ST7L: variants seen among roughly 807,000 people sequenced by gnomAD.
ST7L encodes suppressor of tumorigenicity 7 protein-like.
A neutral mutation model predicts 72.5 loss-of-function variants in ST7L; 57 were observed. The observed-to-expected ratio is 0.79, with a 90% confidence interval of 0.64 to 0.98. The LOEUF (loss-of-function observed/expected upper bound fraction) is 0.98, where lower values mean the gene tolerates loss of function less well. ST7L is among the 50% of genes least tolerant of loss of function. The pLI, the probability that ST7L is intolerant of heterozygous loss-of-function variation, is 0.00. For missense variants in ST7L, 576 were observed against 672.2 expected, an observed-to-expected ratio of 0.86 and a Z score of 1.58; for synonymous variants, 221 against 240.9, an observed-to-expected ratio of 0.92 and a Z score of 0.77.
chr1:112,576,789 G>A (rs1663166394), intron 11 of ST7L, among the ~76,000 whole-genome samples, 197 bp downstream of exon 11: 1 of 152,126 alleles, frequency 6.6e-6, no homozygotes, highest in Non-Finnish European at 1.5e-5. Flanking sequence ...AAAGCATATA[G>A]CTAACTATTG....
chr1:112,528,673 A>G (rs754126471), intron 14 of ST7L: 1 of 152,232 alleles, frequency 6.6e-6, no homozygotes, highest in Non-Finnish European at 1.5e-5. Flanking sequence ...AACCCTTAAG[A>G]AATTAGAATG....
chr1:112,590,966 T>A (rs1377234852), intron 6 of ST7L, among the ~76,000 whole-genome samples: 1 of 149,424 alleles, frequency 6.7e-6, no homozygotes, highest in African/African-American at 2.5e-5. Flanking sequence ...AGTCTTGCTC[T>A]GTCGCCCAAG....
At chr1:112,520,878 T>C (rs1050844051), downstream of ST7L, 2 of 220,450 alleles carry the variant, frequency 9.1e-6, no homozygotes, top group South Asian at 1.1e-4. Context: ...GAAGGGTACC[T>C]GTAGAGAGCT....
chr1:112,580,810 C>A (rs1663984692), intron 9 of ST7L, among the ~76,000 whole-genome samples: 1 of 152,182 alleles, frequency 6.6e-6, no homozygotes, highest in Admixed American at 6.5e-5. Context: ...CACCTGTAGA[C>A]CCAGCTACTC....
At chr1:112,558,841 G>A (rs560198422) in intron 11 of ST7L, among the ~76,000 whole-genome samples, 1 of 152,200 alleles carries the variant, frequency 6.6e-6, no homozygotes, top group South Asian at 2.1e-4. Context: ...AAGATCACTC[G>A]CACCAGGCGG....
At chr1:112,576,330 A>C (rs755687418) in intron 11 of ST7L, among the ~76,000 whole-genome samples, 7 of 152,140 alleles carry the variant, frequency 4.6e-5, no homozygotes, top group Non-Finnish European at 1.0e-4. Flanking sequence ...GGGCTCAAGT[A>C]ATCCTCCCAC....
intron 4 of ST7L, among the ~76,000 whole-genome samples, chr1:112,599,440 A>G (rs1161675910): frequency 3.9e-5 from 6 of 152,128 alleles, no homozygotes; most frequent in Non-Finnish European, 2.9e-5. Flanking sequence ...TTCTTATTCA[A>G]TAAGTTAAAT....
intron 11 of ST7L, among the ~76,000 whole-genome samples, chr1:112,566,881 T>C (rs1284531943): frequency 6.6e-6 from 1 of 152,214 alleles, no homozygotes; most frequent in African/African-American, 2.4e-5. Flanking sequence ...TGGGATTGTT[T>C]CTAGTTTGGG....
intron 9 of ST7L, 106 bp from the exon 10 acceptor site, chr1:112,578,523 C>A: frequency 2.0e-6 from 2 of 998,428 alleles, no homozygotes; most frequent in Non-Finnish European, 1.6e-6. Flanking sequence ...TGCCTATAAT[C>A]CCAGCACTTA....
At chr1:112,603,490 A>G (rs1427891471) in intron 3 of ST7L, among the ~76,000 whole-genome samples, 3 of 151,790 alleles carry the variant, frequency 2.0e-5, no homozygotes, top group African/African-American at 7.3e-5. Context: ...TTATTAAAAT[A>G]CTCCTCCCCT....
chr1:112,588,139 T>C (rs2101924345), intron 6 of ST7L, among the ~76,000 whole-genome samples: 1 of 152,384 alleles, frequency 6.6e-6, no homozygotes, highest in Admixed American at 6.5e-5. Context: ...TTTTCATATG[T>C]TGATTTTGTT....
chr1:112,532,007 G>T (rs901587198), intron 14 of ST7L, among the ~76,000 whole-genome samples: 2 of 152,046 alleles, frequency 1.3e-5, no homozygotes, highest in Non-Finnish European at 2.9e-5. Context: ...TTTAAAGGTG[G>T]TATTACAAGA....
At chr1:112,618,020 A>G (rs1190318383) in intron 1 of ST7L, 14 of 1,303,956 alleles carry the variant, frequency 1.1e-5, no homozygotes, top group Non-Finnish European at 8.1e-6. Context: ...CTTTCATGTC[A>G]TCTCTGAACA....
At chr1:112,551,188 G>A (rs1658103606) in intron 12 of ST7L, among the ~76,000 whole-genome samples, 1 of 108,556 alleles carries the variant, frequency 9.2e-6, no homozygotes, top group South Asian at 2.9e-4. Flanking sequence ...TTGCTCTGTT[G>A]CCCAGGCTGG....
intron 10 of ST7L, 127 bp from the exon 11 acceptor site, chr1:112,577,215 G>T: frequency 2.1e-6 from 1 of 483,054 alleles, no homozygotes; most frequent in Non-Finnish European, 3.5e-6. Context: ...CAAAGCCAGA[G>T]GACTAACAAA....
chr1:112,550,113 G>C (rs1657866302), intron 13 of ST7L, among the ~76,000 whole-genome samples: 1 of 152,118 alleles, frequency 6.6e-6, no homozygotes, highest in Non-Finnish European at 1.5e-5. Flanking sequence ...CATTTGTGAG[G>C]TAAATCCCAC....
chr1:112,547,693 G>GCTGAGATTA (rs1657379503), intron 13 of ST7L, among the ~76,000 whole-genome samples: 1 of 146,686 alleles, frequency 6.8e-6, no homozygotes, highest in East Asian at 2.2e-4. Context: ...CTTCCAAGTA[G>GCTGAGATTA]CTGAGATTAC....
chr1:112,556,985 C>CAAAAAAAAAAAAAAAAAAAAAAA (rs1196828305), intron 11 of ST7L, among the ~76,000 whole-genome samples: 5 of 82,110 alleles, frequency 6.1e-5, no homozygotes, highest in Non-Finnish European at 1.2e-4. Context: ...AAAAAAAAAA[C>CAAAAAAAAAAAAAAAAAAAAAAA]AAAAAAAAAA....
chr1:112,611,740 C>T (rs539639902), intron 2 of ST7L, among the ~76,000 whole-genome samples: 5 of 152,000 alleles, frequency 3.3e-5, no homozygotes, highest in East Asian at 1.9e-4. Context: ...CAAGAAGAAT[C>T]GCTTGAGCCC....
Sources: gnomAD v4.1 joint callset for allele counts (sites outside exome capture counted in the v4.1 genomes callset) on GRCh38, gnomAD v4.1.1 for gene constraint, MANE v1.5 for transcripts, NCBI Gene and HGNC (gene_info 2026-07-23, HGNC 2026-07-21) for gene names.